TRMT44: variants seen among roughly 807,000 people sequenced by gnomAD.
The protein encoded by TRMT44 is probable tRNA (uracil-O(2)-)-methyltransferase.
TRMT44 carries 78 observed loss-of-function variants against 77.3 expected under a neutral mutation model. The observed-to-expected ratio is 1.01, with a 90% CI of 0.84 to 1.22. The LOEUF is 1.22. Among genes scored for constraint, TRMT44 ranks in the 50% most tolerant of loss-of-function variants. TRMT44 has a pLI of 0.00. For missense variants in TRMT44, 1,090 were observed against 964.4 expected, an observed-to-expected ratio of 1.13 and a Z score of -1.73; for synonymous variants, 391 against 383.3, an observed-to-expected ratio of 1.02 and a Z score of -0.23.
chr4:8,495,045 C>T (rs1047809854), downstream of TRMT44, among the ~76,000 whole-genome samples: 7 of 152,212 alleles, frequency 4.6e-5, no homozygotes, highest in African/African-American at 1.7e-4. Flanking sequence ...GGCTTTCATC[C>T]AGGAAATGGC....
At position 8,468,322 on chromosome 4, in the gene TRMT44, A is replaced by G. The variant is rs780982245; in HGVS notation, c.1903A>G (p.Ser635Gly). ...AAACACAAGAAGTTCTCGAAATGGG[A>G]GTTTGAAGACCTGGAATGGGGGAGG... ...QLNTRSSRNG[S>G]LKTWNGGESL... is the part of the protein sequence containing the mutation. The change falls in exon 9 of 11, where the codon AGT becomes GGT. Residue 635 changes from serine to glycine, a missense_variant. Coordinates refer to ENST00000389737, the MANE Select transcript of TRMT44 (RefSeq NM_152544.3). 10 of 1,614,114 alleles carry G rather than the reference A, an allele frequency of 6.2e-6. No homozygotes were observed. The Admixed American group carries it at 8.3e-5, about 13-fold the overall frequency.
chr4:8,480,285 A>G (rs952546095), downstream of TRMT44, among the ~76,000 whole-genome samples: 1 of 152,210 alleles, frequency 6.6e-6, no homozygotes, highest in African/African-American at 2.4e-5. Context: ...GAAGAGACCC[A>G]AGCACGCACT....
chr4:8,484,187 GAGA>G (rs1383679444), intron 2 of TRMT44, among the ~76,000 whole-genome samples: 5 of 152,184 alleles, frequency 3.3e-5, no homozygotes, highest in African/African-American at 7.2e-5. Context: ...GTGAGGAACA[GAGA>G]AGAAGGAAAT....
chr4:8,494,744 G>T (rs545839400), downstream of TRMT44, among the ~76,000 whole-genome samples: 19 of 152,248 alleles, frequency 1.2e-4, no homozygotes, highest in African/African-American at 4.1e-4. Flanking sequence ...TTTCTAAATT[G>T]GTTGAGGCCT....
chr4:8,479,923 G>A (rs1236362156), downstream of TRMT44, among the ~76,000 whole-genome samples: 2 of 151,996 alleles, frequency 1.3e-5, no homozygotes, highest in Non-Finnish European at 2.9e-5. Context: ...TGTCACCCAG[G>A]TTAGAGTGTA....
intron 6 of TRMT44, chr4:8,455,083 G>GT (rs1725715672): frequency 1.9e-6 from 1 of 532,658 alleles, no homozygotes; most frequent in Non-Finnish European, 3.3e-6. Context: ...TGTATCTTGT[G>GT]TGGGGTGCTC....
At chr4:8,474,069 G>T (rs534812699) in intron 10 of TRMT44, among the ~76,000 whole-genome samples, 3 of 152,226 alleles carry the variant, frequency 2.0e-5, no homozygotes, top group Non-Finnish European at 4.4e-5. Context: ...GGCCTGTCAC[G>T]TTGTGGTGGG....
downstream of TRMT44, among the ~76,000 whole-genome samples, chr4:8,481,270 G>A (rs766046192): frequency 6.8e-4 from 103 of 152,096 alleles, no homozygotes; most frequent in Non-Finnish European, 1.2e-3. Flanking sequence ...GAGTTGTCCC[G>A]CCTTTCTGGA....
chr4:8,485,551 G>T (rs1252296130), intron 2 of TRMT44, among the ~76,000 whole-genome samples: 1 of 152,136 alleles, frequency 6.6e-6, no homozygotes, highest in Admixed American at 6.5e-5. Flanking sequence ...GGGTGATTAG[G>T]TTTTAATGGG....
downstream of TRMT44, among the ~76,000 whole-genome samples, chr4:8,481,107 TTC>T (rs1028071821): frequency 1.3e-5 from 2 of 152,226 alleles, no homozygotes; most frequent in African/African-American, 4.8e-5. Flanking sequence ...ACTATTAGAC[TTC>T]AAAGAACTTT....
chr4:8,467,171 G>A (rs1726622513), intron 8 of TRMT44, among the ~76,000 whole-genome samples: 1 of 152,208 alleles, frequency 6.6e-6, no homozygotes, highest in Non-Finnish European at 1.5e-5. Flanking sequence ...GTATGCACTC[G>A]CTGGCTCTGG....
At chr4:8,478,378 A>G (rs1443098761), downstream of TRMT44, 1 of 136,094 alleles carries the variant, frequency 7.3e-6, no homozygotes, top group Non-Finnish European at 1.6e-5. Flanking sequence ...GGGGCCCACC[A>G]TGGCCATAGG....
At chr4:8,502,623 C>T in the TRMT44 span, among the ~76,000 whole-genome samples, 1 of 151,902 alleles carries the variant, frequency 6.6e-6, no homozygotes, top group Non-Finnish European at 1.5e-5. Context: ...TGGCCAGAGA[C>T]TTGTTGTGCC....
intron 6 of TRMT44, among the ~76,000 whole-genome samples, chr4:8,463,010 A>G (rs1726267514): frequency 6.6e-6 from 1 of 152,230 alleles, no homozygotes; most frequent in African/African-American, 2.4e-5. Flanking sequence ...TGCTTATTGA[A>G]GAACCAGAGA....
chr4:8,496,793 T>G (rs907674212), downstream of TRMT44, among the ~76,000 whole-genome samples: 7 of 151,966 alleles, frequency 4.6e-5, no homozygotes, highest in Admixed American at 2.0e-4. Flanking sequence ...TTTTTCTTTT[T>G]CTTTTTTTTT....
intron 1 of TRMT44, among the ~76,000 whole-genome samples, chr4:8,441,742 C>T (rs1050431988): frequency 1.3e-5 from 2 of 152,082 alleles, no homozygotes; most frequent in African/African-American, 4.8e-5. Flanking sequence ...TGGGGACCAG[C>T]CTCAACACCA....
Position 8,471,123 on chromosome 4 carries a change from C to G in TRMT44, c.1967C>G (p.Thr656Arg). 2.5e-6 allele frequency: 4 copies of G among 1,608,326 alleles called. No individual in the cohort carries two copies. The highest frequency in any genetic ancestry group is 2.2e-5 in the South Asian group (2 of 90,378). ...SLAEVANELDTETLRRLKREC... is the reference protein window; with the variant it reads ...SLAEVANELDRETLRRLKREC... The stretch of plus-strand genomic sequence containing the variant: ...GCAGAAGTAGCCAACGAGCTGGACA[C>G]GGAGACCCTGCGGAGGCTGAAGCGG... The change falls in exon 10 of 11, where the codon ACG becomes AGG. Residue 656 changes from threonine (T) to arginine (R), a missense_variant. By Grantham distance (71) the Thr-to-Arg change is moderately conservative (BLOSUM62 -1). Transcript: ENST00000389737.
At chr4:8,491,395 C>T (rs552603699) in intron 2 of TRMT44, among the ~76,000 whole-genome samples, 22 of 152,366 alleles carry the variant, frequency 1.4e-4, no homozygotes, top group Non-Finnish European at 2.1e-4. Flanking sequence ...CTGCCAGTGC[C>T]ACGCTGTGCG....
At chr4:8,454,417 A>G (rs1476751283) in intron 5 of TRMT44, 1 of 304,852 alleles carries the variant, frequency 3.3e-6, no homozygotes, top group African/African-American at 2.1e-5. Context: ...AACCATTCCA[A>G]GCTCTTAGAG....
Sources: gnomAD v4.1 joint callset for allele counts (sites outside exome capture counted in the v4.1 genomes callset) on GRCh38, gnomAD v4.1.1 for gene constraint, MANE v1.5 for transcripts, NCBI Gene and HGNC (gene_info 2026-07-23, HGNC 2026-07-21) for gene names.